ISL1: variants seen among roughly 807,000 people sequenced by gnomAD.
The protein encoded by ISL1 is insulin gene enhancer protein ISL-1.
Under a neutral mutation model 35.3 loss-of-function variants are expected in ISL1, and 4 were observed. The ratio of observed to expected loss-of-function variants is 0.11; its 90% CI spans 0.06 to 0.26. The LOEUF is 0.26. Ranked by LOEUF, ISL1 falls within the 10% of genes least tolerant of loss-of-function variation. The pLI, the probability that ISL1 is intolerant of heterozygous loss-of-function variation, is 1.00. For missense variants in ISL1, 340 were observed against 472.8 expected (o/e 0.72, Z 2.60); for synonymous variants, 186 against 172.3 (o/e 1.08, Z -0.62).
At chr5:51,383,822 A>C (rs1561205380) in intron 1 of ISL1, 123 bp downstream of exon 1, 2 of 891,670 alleles carry the variant, frequency 2.2e-6, no homozygotes, top group Non-Finnish European at 3.8e-6. Context: ...GAAAGAGAAA[A>C]GGTGGCTTTT....
At position 51,384,585 on chromosome 5, in the gene ISL1, C is replaced by T. The variant is rs2111835026; in HGVS notation, c.73C>T (p.His25Tyr). ...ATGTGTTGGTTGCGGCAATCAGATT[C>T]ACGATCAGTATATTCTGAGGGTTTC... Reference protein sequence around the residue: ...SLCVGCGNQIHDQYILRVSPD... With the variant: ...SLCVGCGNQIYDQYILRVSPD... The change falls in exon 2 of 6, where the codon CAC becomes TAC. Residue 25 changes from histidine (H) to tyrosine (Y), a missense_variant. Around this residue, in one of 7 missense-constraint regions of ISL1, gnomAD observed 70 missense variants for 130.3 expected, o/e 0.54. Coordinates refer to ENST00000230658, the MANE Select transcript of ISL1 (RefSeq NM_002202.3). 2 of 1,614,106 alleles carry T rather than the reference C, an allele frequency of 1.2e-6. No individual in the cohort carries two copies. The highest frequency in any genetic ancestry group is 2.2e-5 in the East Asian group (1 of 44,864).
chr5:51,389,521 TCGGGCGGGCGAGCAAGTAAGCGGG>T lies in ISL1; in HGVS notation c.479-114_479-91del. On this transcript the variant is annotated intron_variant, in intron 3 of 5. Coordinates refer to ENST00000230658, the MANE Select transcript of ISL1 (RefSeq NM_002202.3). This position sits in a 1 kb window ranked among gnomAD's most constrained non-coding sequence, Gnocchi z 5.0. ...AACCCTAGCCATTGTCCTGAGTATC[TCGGGCGGGCGAGCAAGTAAGCGGG>T]CGGGCGGGCGGGCAAGCGAGCGAGC... 3 of 808,686 alleles carry T rather than the reference TCGGGCGGGCGAGCAAGTAAGCGGG, an allele frequency of 3.7e-6. No individual in the cohort carries two copies. Among genetic ancestry groups the T allele is most frequent in the Non-Finnish European group, 5.1e-6 (3 of 589,844 alleles). 50.1% of individuals were successfully genotyped at this position (808,686 alleles called of 1,614,324 possible).
rs1294887031 is a variant in ISL1, at chr5:51,394,243, A to C, written c.*633A>C. 6.5e-6 allele frequency: 1 copy of C among 152,858 alleles called. No homozygotes were observed. The highest frequency in any genetic ancestry group is 2.4e-5 in the African/African-American group (1 of 41,404). The allele number at this position is 152,858 out of a possible 1,614,324, so 9.5% of individuals were successfully genotyped here. The stretch of plus-strand genomic sequence containing the variant: ...CTTTTTTTGAGATCCATCCTTTATC[A>C]AGAAGTCTGAAGCGACTATAAAGGT... On this transcript the variant is annotated 3_prime_UTR_variant, in exon 6 of 6. Transcript: ENST00000230658.
chr5:51,390,011 A>C, intron 4 of ISL1, 79 bp downstream of exon 4: 1 of 1,508,870 alleles, frequency 6.6e-7, no homozygotes, highest in Non-Finnish European at 9.1e-7. Context: ...GGTACGCAGG[A>C]TCGCACGGTT....
At chr5:51,390,826 A>G (rs995228761) in intron 4 of ISL1, among the ~76,000 whole-genome samples, 6 of 151,088 alleles carry the variant, frequency 4.0e-5, no homozygotes, top group Non-Finnish European at 8.9e-5. Context: ...GGGGGGATGG[A>G]GTGGGGGGCT....
rs542014611 is a variant in ISL1, at chr5:51,384,245, G to C, written c.29-296G>C. ...CCCAATGATTATAGCAAAGAGGAAGGGGGGGGGGAGAAATACAAAATGAGC... is the reference window on the plus strand; with the variant it reads ...CCCAATGATTATAGCAAAGAGGAAGCGGGGGGGGAGAAATACAAAATGAGC... On this transcript the variant is annotated intron_variant, in intron 1 of 5. Transcript: ENST00000230658. 7.0e-4 allele frequency among the ~76,000 whole-genome samples: 99 copies of C among 141,074 alleles called. 1 individual carries two copies. The highest frequency in any genetic ancestry group is 1.5e-3 in the African/African-American group (57 of 38,524). 92.6% of individuals were successfully genotyped at this position (141,074 alleles called of 152,430 possible).
In ISL1 at chr5:51,393,823, A is replaced by G. The variant is rs1747573266; in HGVS notation, c.*213A>G. On this transcript the variant is annotated 3_prime_UTR_variant, in exon 6 of 6. Transcript: ENST00000230658. ...GGGATTTTACTAGAATTAAACAACAAACAAAACGCAAAACCCAGTATATGC... is the reference window on the plus strand; with the variant it reads ...GGGATTTTACTAGAATTAAACAACAGACAAAACGCAAAACCCAGTATATGC... The G allele has an allele frequency of 1.7e-5, 10 of 600,984 alleles. No individual in the cohort carries two copies. The highest frequency in any genetic ancestry group is 2.8e-5 in the East Asian group (1 of 35,248). 37.2% of individuals were successfully genotyped at this position (600,984 alleles called of 1,614,324 possible). A position where few individuals can be genotyped will look rare whatever the true frequency, so the allele number is the denominator to read the frequency against.
chr5:51,393,586 G>A lies in ISL1; in HGVS notation c.1026G>A (p.Met342Ile). Residue 342 changes from methionine (M) to isoleucine (I), a missense_variant, in exon 6 of 6, where the codon ATG (methionine) becomes ATA (isoleucine). By Grantham distance (10) the Met-to-Ile change is conservative (BLOSUM62 1). Around this residue, in one of 7 missense-constraint regions of ISL1, gnomAD observed 104 missense variants for 97.3 expected, o/e 1.07. Coordinates refer to ENST00000230658, the MANE Select transcript of ISL1 (RefSeq NM_002202.3). The part of the protein sequence containing the change: ...SSQLPDTPNS[M>I]VASPIEA ...AACTTCCAGATACACCTAACAGCAT[G>A]GTAGCCAGTCCTATTGAGGCATGAG... The A allele has an allele frequency of 6.2e-7, 1 of 1,608,220 alleles. No homozygotes were observed.
chr5:51,387,753 C>A lies in ISL1; in HGVS notation c.478+4C>A, dbSNP rs778121515. 6 of 1,614,004 alleles carry A rather than the reference C, an allele frequency of 3.7e-6. No homozygotes were observed. The highest frequency in any genetic ancestry group is 5.1e-6 in the Non-Finnish European group (6 of 1,180,010). On this transcript the variant is annotated splice_donor_region_variant and intron_variant, in intron 3 of 5. Coordinates refer to ENST00000230658, the MANE Select transcript of ISL1 (RefSeq NM_002202.3). The surrounding 1 kb of genome is among the most constrained non-coding windows in gnomAD (Gnocchi z 4.3). ...GCGCGGCCACTGCAAATGGCAGGTA[C>A]TCCTCTGCCCGGCTCGGGTAGGCAG...
rs556011186 is a variant in ISL1, at chr5:51,391,344, C to T, written c.836C>T (p.Ala279Val). Residue 279 changes from alanine (A) to valine (V), a missense_variant, in exon 5 of 6, where the codon GCT becomes GTT. Coordinates refer to ENST00000230658, the MANE Select transcript of ISL1 (RefSeq NM_002202.3). ...SPERHDGGLQ[A>V]NPVEVQSYQP... ...GAGAGACACGACGGTGGCTTACAGG[C>T]TAACCCAGTGGAAGTACAAAGTTAC... 6.2e-7 allele frequency: 1 copy of T among 1,614,036 alleles called. No homozygotes were observed. Among genetic ancestry groups the T allele is most frequent in the African/African-American group, 1.3e-5 (1 of 75,044 alleles).
intron 1 of ISL1, 130 bp downstream of exon 1, chr5:51,383,829 T>C: frequency 1.2e-6 from 1 of 819,176 alleles, no homozygotes; most frequent in Non-Finnish European, 2.1e-6. Flanking sequence ...AAAAGGTGGC[T>C]TTTTCTTGTT....
Position 51,389,612 on chromosome 5 carries a change from C to T in ISL1, c.479-34C>T, listed in dbSNP as rs371878118. ...GCGGGCGGGCCGGCAAGCGAGCCTC[C>T]AGCCCAGCGCTCACGGCGCTCCTTG... On this transcript the variant is annotated intron_variant, in intron 3 of 5. Transcript: ENST00000230658. This position sits in a 1 kb window ranked among gnomAD's most constrained non-coding sequence, Gnocchi z 5.0. The T allele has an allele frequency of 4.9e-4, 765 of 1,574,440 alleles. No homozygotes were observed. The highest frequency in any genetic ancestry group is 2.8e-3 in the Middle Eastern group (12 of 4,360).
chr5:51,389,576 A>G lies in ISL1; in HGVS notation c.479-70A>G, dbSNP rs940681899. The G allele has an allele frequency of 1.5e-5, 20 of 1,338,262 alleles. No homozygotes were observed. Among genetic ancestry groups the G allele is most frequent in the Non-Finnish European group, 1.9e-5 (20 of 1,042,532 alleles). The allele number at this position is 1,338,262 out of a possible 1,614,324, so 82.9% of individuals were successfully genotyped here. On this transcript the variant is annotated intron_variant, in intron 3 of 5. Transcript: ENST00000230658. The surrounding 1 kb of genome is among the most constrained non-coding windows in gnomAD (Gnocchi z 5.0). ...GGGCGGGCAAGCGAGCGAGCGAGCG[A>G]GCGCGCGACCGCGGGCGGGCCGGCA...
At chr5:51,384,439 A>AAAG (rs1339408562) in intron 1 of ISL1, 102 bp from the exon 2 acceptor site, 14 of 1,056,264 alleles carry the variant, frequency 1.3e-5, no homozygotes, top group Non-Finnish European at 2.0e-5. Flanking sequence ...AAGAAAGAAA[A>AAAG]AAACCTCCCA....
intron 3 of ISL1, among the ~76,000 whole-genome samples, chr5:51,388,855 G>A (rs1011796435): frequency 6.6e-6 from 1 of 152,096 alleles, no homozygotes; most frequent in Non-Finnish European, 1.5e-5. Context: ...CTAAAATACC[G>A]AGAGGGAGGC....
chr5:51,383,989 G>A (rs2111832743), intron 1 of ISL1, among the ~76,000 whole-genome samples: 1 of 152,246 alleles, frequency 6.6e-6, no homozygotes, highest in African/African-American at 2.4e-5. Flanking sequence ...TCTCCGAGAA[G>A]GTTATTATGT....
intron 1 of ISL1, 122 bp downstream of exon 1, chr5:51,383,821 A>G: frequency 1.1e-6 from 1 of 895,236 alleles, no homozygotes. Context: ...AGAAAGAGAA[A>G]AGGTGGCTTT....
intron 2 of ISL1, among the ~76,000 whole-genome samples, 176 bp downstream of exon 2, chr5:51,384,906 C>G (rs2111835770): frequency 6.6e-6 from 1 of 152,234 alleles, no homozygotes; most frequent in South Asian, 2.1e-4. Context: ...TCATTTCATT[C>G]TTTAGTTGAG....
chr5:51,391,188 GGTATATTTGCTTAGCCT>G, intron 4 of ISL1, 69 bp from the exon 5 acceptor site: 1 of 1,306,922 alleles, frequency 7.7e-7, no homozygotes, highest in South Asian at 1.3e-5. Context: ...ATAATACCAG[GGTATATTTGCTTAGCCT>G]GTGCAGACAA....
Sources: allele counts gnomAD v4.1 joint callset (sites outside exome capture counted in the v4.1 genomes callset), GRCh38; gene constraint gnomAD v4.1.1; regional missense constraint gnomAD v4.1.1; non-coding constraint Gnocchi (gnomAD v3.1); transcripts MANE v1.5; gene names NCBI Gene and HGNC (gene_info 2026-07-23, HGNC 2026-07-21).